Variants in BICRA observed in about 807,000 individuals in gnomAD.
BICRA encodes the protein BRD4-interacting chromatin-remodeling complex-associated protein.
BICRA carries 31 observed loss-of-function variants against 96.9 expected under a neutral mutation model. That is an observed-to-expected ratio of 0.32 (90% CI 0.24 to 0.43). The LOEUF is 0.43. Ranked by LOEUF, BICRA falls within the 20% of genes least tolerant of loss-of-function variation. The pLI, the probability that BICRA is intolerant of heterozygous loss-of-function variation, is 1.00. For missense variants in BICRA, 2,283 were observed against 2,190.3 expected (o/e 1.04, Z -0.84); for synonymous variants, 1,350 against 1,071.8 (o/e 1.26, Z -5.07).
chr19:47,632,489 G>A (rs7257240), intron 1 of BICRA, among the ~76,000 whole-genome samples: 41,371 of 152,180 alleles, frequency 0.27, 5,946 homozygotes, highest in Non-Finnish European at 0.32. Context: ...GTGGCTGAAG[G>A]CGGCCTGGCA....
chr19:47,679,661 C>A lies in BICRA; in HGVS notation c.491C>A (p.Thr164Asn). The change falls in exon 6 of 15, where the codon ACC becomes AAC. Residue 164 changes from threonine to asparagine, a missense_variant. By Grantham distance (65) the Thr-to-Asn change is moderately conservative. Transcript: ENST00000594866. ...AGPQALFPGSTDLLGLQGPPT... is the reference protein window; with the variant it reads ...AGPQALFPGSNDLLGLQGPPT... ...CCCCAAGCCCTCTTCCCAGGCAGCA[C>A]CGACCTGCTGGGGCTGCAGGGCCCG... 1 of 1,514,694 alleles carries A rather than the reference C, an allele frequency of 6.6e-7. No individual in the cohort carries two copies. The highest frequency in any genetic ancestry group is 8.8e-7 in the Non-Finnish European group (1 of 1,133,752). 93.8% of individuals were successfully genotyped at this position (1,514,694 alleles called of 1,614,324 possible). A position where few individuals can be genotyped will look rare whatever the true frequency, so the allele number is the denominator to read the frequency against.
At position 47,681,156 on chromosome 19, in the gene BICRA, C is replaced by T; in HGVS notation, c.1986C>T (p.Thr662=). Residue 662 remains threonine (T), a synonymous_variant, in exon 6 of 15, where the codon ACC becomes ACT. Transcript: ENST00000594866. ...AGGCCGCCGCCCCGCCTCAGGCCAC[C>T]ACCCCCCAGCCCAGCCCTGGCCTGG... ...TPQAAAPPQA[T]TPQPSPGLAS... 1 of 1,518,024 alleles carries T rather than the reference C, an allele frequency of 6.6e-7. No homozygotes were observed. Among genetic ancestry groups the T allele is most frequent in the African/African-American group, 1.4e-5 (1 of 72,692 alleles). The allele number at this position is 1,518,024 out of a possible 1,614,324, so 94.0% of individuals were successfully genotyped here.
intron 7 of BICRA, among the ~76,000 whole-genome samples, chr19:47,685,786 T>TGTGTGTGCGCGCGCGC: frequency 1.1e-3 from 124 of 117,938 alleles, no homozygotes; most frequent in African/African-American, 2.2e-3. Flanking sequence ...TGTGTGTGTG[T>TGTGTGTGCGCGCGCGC]GCGCGCGCGC....
rs1165392947 is a variant in BICRA at position 47,680,084 on chromosome 19, C to G, written c.914C>G (p.Ser305Cys). 1.9e-5 allele frequency: 30 copies of G among 1,562,564 alleles called. No individual in the cohort carries two copies. Among genetic ancestry groups the G allele is most frequent in the Non-Finnish European group, 2.6e-5 (30 of 1,164,770 alleles). The change falls in exon 6 of 15, where the codon TCT becomes TGT. Residue 305 changes from serine (S) to cysteine (C), a missense_variant. By Grantham distance (112) the Ser-to-Cys change is moderately radical. Transcript: ENST00000594866. ...AAVATTLNGN[S>C]VFGGAGAASA... Reference sequence around the variant, plus strand: ...GTGGCCACCACGCTCAATGGGAACTCTGTGTTCGGAGGCGCGGGGGCCGCC... The same window carrying G: ...GTGGCCACCACGCTCAATGGGAACTGTGTGTTCGGAGGCGCGGGGGCCGCC...
At chr19:47,677,944 T>C (rs1458693774) in intron 5 of BICRA, among the ~76,000 whole-genome samples, 1 of 152,216 alleles carries the variant, frequency 6.6e-6, no homozygotes, top group Non-Finnish European at 1.5e-5. Context: ...TGTCACATCA[T>C]GTGGATAAAT....
Position 47,702,479 on chromosome 19 carries a change from C to T in BICRA, c.*64C>T. The T allele has an allele frequency of 1.4e-6, 2 of 1,403,340 alleles. No individual in the cohort carries two copies. The highest frequency in any genetic ancestry group is 1.8e-6 in the Non-Finnish European group (2 of 1,087,428). 86.9% of individuals were successfully genotyped at this position (1,403,340 alleles called of 1,614,324 possible). A position where few individuals can be genotyped will look rare whatever the true frequency, so the allele number is the denominator to read the frequency against. ...AGACGCCGGGACAGTCGGGTGTCCGCCCTCAGCCTCCTGGGGACTCGAGCC... is the reference window on the plus strand; with the variant it reads ...AGACGCCGGGACAGTCGGGTGTCCGTCCTCAGCCTCCTGGGGACTCGAGCC... On this transcript the variant is annotated 3_prime_UTR_variant, in exon 15 of 15. Transcript: ENST00000594866.
Position 47,701,649 on chromosome 19 carries a change from T to A in BICRA, c.3917T>A (p.Ile1306Asn). 1 of 1,596,922 alleles carries A rather than the reference T, an allele frequency of 6.3e-7. No homozygotes were observed. Among genetic ancestry groups the A allele is most frequent in the East Asian group, 2.3e-5 (1 of 43,996 alleles). The change falls in exon 15 of 15, where the codon ATC becomes AAC. Residue 1306 changes from isoleucine to asparagine, a missense_variant. Physicochemically the swap from Ile to Asn is moderately radical, Grantham distance 149 (BLOSUM62 -3). Transcript: ENST00000594866. This position sits in a 1 kb window ranked among gnomAD's most constrained non-coding sequence, Gnocchi z 5.4. Reference sequence around the variant, plus strand: ...AAGACCTACGAGGCCCGGAGCCGCATCGGGCTCAAGCTCAAGATCAAGCAG... The same window carrying A: ...AAGACCTACGAGGCCCGGAGCCGCAACGGGCTCAAGCTCAAGATCAAGCAG... ...PIKTYEARSR[I>N]GLKLKIKQEA...
At chr19:47,643,356 C>T (rs150176630) in intron 1 of BICRA, among the ~76,000 whole-genome samples, 127 of 152,318 alleles carry the variant, frequency 8.3e-4, no homozygotes, top group Admixed American at 2.6e-3. Flanking sequence ...ACATCTGGGG[C>T]CCCGGTGTGC....
Position 47,635,524 on chromosome 19 carries a change from A to G in BICRA, c.-108+26356A>G, listed in dbSNP as rs187844369. On this transcript the variant is annotated intron_variant, in intron 1 of 14. Transcript: ENST00000594866. Reference sequence around the variant, plus strand: ...TGCCTTGGCCTCCCAAAGTGCTGGGATTGCAGGCATGAGCCACTGCACCTG... The same window carrying G: ...TGCCTTGGCCTCCCAAAGTGCTGGGGTTGCAGGCATGAGCCACTGCACCTG... Among the ~76,000 whole-genome samples, 285 of 152,126 alleles carry G rather than the reference A, an allele frequency of 1.9e-3. 1 individual carries two copies. The highest frequency in any genetic ancestry group is 6.5e-3 in the African/African-American group (269 of 41,500).
At position 47,702,079 on chromosome 19, in the gene BICRA, A is replaced by G. The variant is rs1334028104; in HGVS notation, c.4347A>G (p.Pro1449=). ...LYQRMLKGPP[P]EPAASAAQGT... ...AGCGTATGCTGAAGGGCCCCCCGCC[A>G]GAGCCCGCAGCCAGCGCCGCCCAAG... Residue 1449 remains proline, a synonymous_variant, in exon 15 of 15, where the codon CCA becomes CCG. Transcript: ENST00000594866. The G allele has an allele frequency of 8.6e-6, 13 of 1,512,044 alleles. No homozygotes were observed. The highest frequency in any genetic ancestry group is 2.9e-5 in the African/African-American group (2 of 69,644). 93.7% of individuals were successfully genotyped at this position (1,512,044 alleles called of 1,614,324 possible).
chr19:47,637,621 G>A (rs1972319347), intron 1 of BICRA, among the ~76,000 whole-genome samples: 2 of 152,162 alleles, frequency 1.3e-5, no homozygotes, highest in South Asian at 2.1e-4. Flanking sequence ...GTTGTGCAAC[G>A]GTCATCTCTG....
intron 1 of BICRA, among the ~76,000 whole-genome samples, chr19:47,614,422 G>C (rs2123503102): frequency 6.6e-6 from 1 of 152,332 alleles, no homozygotes; most frequent in Admixed American, 6.5e-5. Flanking sequence ...TTCAAGACCA[G>C]CCTGGCCAAC....
chr19:47,678,483 G>A (rs2073573611), intron 5 of BICRA, among the ~76,000 whole-genome samples: 1 of 152,138 alleles, frequency 6.6e-6, no homozygotes, highest in Non-Finnish European at 1.5e-5. Flanking sequence ...GCTTGGGCTG[G>A]ATGGGCATGG....
chr19:47,630,594 T>C (rs530806301), intron 1 of BICRA, among the ~76,000 whole-genome samples: 79 of 152,312 alleles, frequency 5.2e-4, no homozygotes, highest in African/African-American at 1.9e-3. Context: ...AGAATTCTTT[T>C]CTTTTTTTGT....
chr19:47,645,004 T>C (rs1319984753), intron 1 of BICRA, among the ~76,000 whole-genome samples: 1 of 152,198 alleles, frequency 6.6e-6, no homozygotes, highest in Non-Finnish European at 1.5e-5. Context: ...AGAACCATTC[T>C]CTTATGTAAC....
chr19:47,634,315 C>T (rs1027065481), intron 1 of BICRA, among the ~76,000 whole-genome samples: 8 of 152,160 alleles, frequency 5.3e-5, no homozygotes, highest in Admixed American at 3.9e-4. Context: ...TGGACTAACT[C>T]GGGCCTGCCC....
intron 9 of BICRA, 23 bp from the exon 10 acceptor site, chr19:47,695,342 T>TCCCCCCCCCCCCCCCCCCCCCCCCCCCC: frequency 9.5e-6 from 6 of 630,188 alleles, no homozygotes; most frequent in South Asian, 1.9e-5. Context: ...AGGCCCTGTC[T>TCCCCCCCCCCCCCCCCCCCCCCCCCCCC]CCCCCACCCC....
Position 47,694,155 on chromosome 19 carries a change from C to A in BICRA, c.2324C>A (p.Ser775Ter), listed in dbSNP as rs984364811. The change falls in exon 8 of 15, where the codon TCG (serine) becomes TAG (stop). Residue 775 changes from serine to a stop codon, truncating the protein, a stop_gained. Coordinates refer to ENST00000594866, the MANE Select transcript of BICRA (RefSeq NM_001394372.1). LOFTEE classifies it high-confidence loss of function. ...CCGCTGAAGGGCCCAGGCCCCTCTT[C>A]GTCCCCGTCACTACCTCACCAGGCC... ...AAPLKGPGPS[S>*]SPSLPHQAPL... The A allele has an allele frequency of 7.2e-7, 1 of 1,396,518 alleles. No individual in the cohort carries two copies. Among genetic ancestry groups the A allele is most frequent in the South Asian group, 1.2e-5 (1 of 80,734 alleles). 86.5% of individuals were successfully genotyped at this position (1,396,518 alleles called of 1,614,324 possible). A position where few individuals can be genotyped will look rare whatever the true frequency, so the allele number is the denominator to read the frequency against.
chr19:47,678,137 A>G (rs1972968911), intron 5 of BICRA, among the ~76,000 whole-genome samples: 1 of 152,062 alleles, frequency 6.6e-6, no homozygotes. Flanking sequence ...TTGTTTTGAG[A>G]TGGAGTCTCA....
Sources: allele counts gnomAD v4.1 joint callset (sites outside exome capture counted in the v4.1 genomes callset), GRCh38; gene constraint gnomAD v4.1.1; non-coding constraint Gnocchi (gnomAD v3.1); transcripts MANE v1.5; gene names NCBI Gene and HGNC (gene_info 2026-07-23, HGNC 2026-07-21).